SLC9A4: variants seen among roughly 807,000 people sequenced by gnomAD.
SLC9A4 encodes solute carrier family 9 member A4, also known as sodium/hydrogen exchanger 4.
A neutral mutation model predicts 67.4 loss-of-function variants in SLC9A4; 63 were observed. The observed-to-expected ratio is 0.93, with a 90% CI of 0.76 to 1.15. The LOEUF (loss-of-function observed/expected upper bound fraction) is 1.15, where lower values mean the gene tolerates loss of function less well. Ranked by LOEUF, SLC9A4 falls within the 50% of genes most tolerant of loss-of-function variation. The pLI is 0.00. For synonymous variants in SLC9A4, 393 were observed against 367.2 expected, an observed-to-expected ratio of 1.07 and a Z score of -0.80; for missense variants, 1,089 against 987.7, an observed-to-expected ratio of 1.10 and a Z score of -1.38.
intron 11 of SLC9A4, among the ~76,000 whole-genome samples, chr2:102,531,826 G>T (rs753714329): frequency 2.6e-5 from 4 of 152,274 alleles, no homozygotes; most frequent in Non-Finnish European, 5.9e-5. Context: ...CTCTGCTGTG[G>T]CTCCCTTCTA....
intron 7 of SLC9A4, 70 bp downstream of exon 7, chr2:102,512,343 A>C: frequency 1.3e-6 from 2 of 1,552,114 alleles, no homozygotes; most frequent in Non-Finnish European, 8.9e-7. Flanking sequence ...GCATAAAATC[A>C]GAGAGAATTC....
intron 4 of SLC9A4, 66 bp from the exon 5 acceptor site, chr2:102,508,013 T>G: frequency 6.6e-7 from 1 of 1,514,972 alleles, no homozygotes; most frequent in Admixed American, 1.7e-5. Context: ...ACAACCTCAG[T>G]TCACTAGCTC....
intron 2 of SLC9A4, among the ~76,000 whole-genome samples, chr2:102,488,501 AT>A (rs1170096310): frequency 6.6e-6 from 1 of 151,758 alleles, no homozygotes; most frequent in Non-Finnish European, 1.5e-5. Flanking sequence ...TTGGTGAGTA[AT>A]AGGCTAATAC....
At chr2:102,519,400 T>C (rs747682196) in intron 8 of SLC9A4, among the ~76,000 whole-genome samples, 1 of 151,938 alleles carries the variant, frequency 6.6e-6, no homozygotes, top group African/African-American at 2.4e-5. Context: ...GAATTGCTTG[T>C]CACCTGTCCT....
Position 102,532,926 on chromosome 2 carries a change from G to T in SLC9A4, c.*238G>T, listed in dbSNP as rs963727037. 9.3e-6 allele frequency: 4 copies of T among 431,634 alleles called. No homozygotes were observed. The highest frequency in any genetic ancestry group is 1.7e-5 in the Non-Finnish European group (4 of 239,864). The allele number at this position is 431,634 out of a possible 1,614,324, so 26.7% of individuals were successfully genotyped here. On this transcript the variant is annotated 3_prime_UTR_variant, in exon 12 of 12. Transcript: ENST00000295269. ...GAATTCCCTGTGAGTGAGAGAAGTTGATCACCCCAGGAATTAGTCACTAAG... is the reference window on the plus strand; with the variant it reads ...GAATTCCCTGTGAGTGAGAGAAGTTTATCACCCCAGGAATTAGTCACTAAG...
At chr2:102,507,763 T>C (rs1482318164) in intron 4 of SLC9A4, among the ~76,000 whole-genome samples, 1 of 152,272 alleles carries the variant, frequency 6.6e-6, no homozygotes, top group South Asian at 2.1e-4. Flanking sequence ...ACAAAAATTA[T>C]GAATATAGAT....
At position 102,473,426 on chromosome 2, in the gene SLC9A4, C is replaced by T. The variant is rs73944350; in HGVS notation, c.-334C>T. On this transcript the variant is annotated 5_prime_UTR_variant, in exon 1 of 12. Transcript: ENST00000295269. The stretch of plus-strand genomic sequence containing the variant: ...AGTATGCAGTGAAATGAGGAAATGC[C>T]TTTAAGTGAAGAGATTTTTATTTCT... 2,066 of 290,074 alleles carry T rather than the reference C, an allele frequency of 7.1e-3. 41 individuals carry two copies. The highest frequency in any genetic ancestry group is 0.041 in the African/African-American group (1,897 of 45,990). The allele number at this position is 290,074 out of a possible 1,614,324, so 18.0% of individuals were successfully genotyped here.
intron 5 of SLC9A4, 62 bp downstream of exon 5, chr2:102,508,343 T>A: frequency 2.1e-6 from 3 of 1,396,034 alleles, no homozygotes; most frequent in Non-Finnish European, 1.9e-6. Context: ...AGTAAATTAG[T>A]AAAATACAAA....
chr2:102,487,488 G>T (rs962523184), intron 2 of SLC9A4, among the ~76,000 whole-genome samples: 7 of 152,168 alleles, frequency 4.6e-5, no homozygotes, highest in Admixed American at 3.3e-4. Context: ...GCAGCCTGAG[G>T]GGTGTGGGCT....
Position 102,532,389 on chromosome 2 carries a change from G to A in SLC9A4, c.2098G>A (p.Gly700Arg), listed in dbSNP as rs1251272978. The change falls in exon 12 of 12, where the codon GGG becomes AGG. Residue 700 changes from glycine to arginine, a missense_variant. Coordinates refer to ENST00000295269, the MANE Select transcript of SLC9A4 (RefSeq NM_001011552.4). ...CACGTTCAGCGCATGCTCTCGGATA[G>A]GGTCACTTCAGAAGCAAGAGGCACA... ...SITFSACSRIGSLQKQEAQEI... is the reference protein window; with the variant it reads ...SITFSACSRIRSLQKQEAQEI... 4.3e-6 allele frequency: 7 copies of A among 1,614,082 alleles called. No homozygotes were observed. The highest frequency in any genetic ancestry group is 5.1e-6 in the Non-Finnish European group (6 of 1,180,036).
At chr2:102,527,276 A>T (rs1674685410) in intron 11 of SLC9A4, among the ~76,000 whole-genome samples, 1 of 151,796 alleles carries the variant, frequency 6.6e-6, no homozygotes, top group African/African-American at 2.4e-5. Context: ...CCACAAAAAA[A>T]TCACAAAAAC....
intron 6 of SLC9A4, 117 bp downstream of exon 6, chr2:102,509,050 A>T (rs989474439): frequency 3.5e-6 from 3 of 865,688 alleles, no homozygotes; most frequent in Non-Finnish European, 5.4e-6. Context: ...GCCAAGAGTG[A>T]CTGTATAAGT....
At chr2:102,524,218 A>G (rs966266591) in intron 9 of SLC9A4, among the ~76,000 whole-genome samples, 12 of 152,206 alleles carry the variant, frequency 7.9e-5, no homozygotes, top group Non-Finnish European at 1.6e-4. Flanking sequence ...TCCCAATCCT[A>G]TCATCCTCCA....
chr2:102,496,758 C>A (rs1487069185), intron 2 of SLC9A4, among the ~76,000 whole-genome samples: 1 of 152,124 alleles, frequency 6.6e-6, no homozygotes, highest in Non-Finnish European at 1.5e-5. Context: ...ATCAAGGGCA[C>A]AATTTATAGT....
chr2:102,483,839 T>TACACACAC (rs1391182060), intron 2 of SLC9A4, among the ~76,000 whole-genome samples: 3 of 127,946 alleles, frequency 2.3e-5, no homozygotes, highest in African/African-American at 9.3e-5. Context: ...TATATATATA[T>TACACACAC]ATACACACAC....
chr2:102,510,769 T>G (rs1685150747), intron 6 of SLC9A4, among the ~76,000 whole-genome samples: 1 of 152,220 alleles, frequency 6.6e-6, no homozygotes, highest in African/African-American at 2.4e-5. Flanking sequence ...GTATTACTTC[T>G]TTTGCAAACA....
At chr2:102,518,507 A>G (rs996916194) in intron 8 of SLC9A4, among the ~76,000 whole-genome samples, 1 of 152,198 alleles carries the variant, frequency 6.6e-6, no homozygotes, top group Non-Finnish European at 1.5e-5. Flanking sequence ...TGGTAACTGT[A>G]TATCAATAGA....
chr2:102,514,044 A>G (rs1685222437), intron 7 of SLC9A4, 46 bp from the exon 8 acceptor site: 1 of 1,590,058 alleles, frequency 6.3e-7, no homozygotes, highest in Non-Finnish European at 8.5e-7. Flanking sequence ...TTAATGTAAC[A>G]CATACAGACG....
chr2:102,514,986 C>T (rs1368795529), intron 8 of SLC9A4, among the ~76,000 whole-genome samples: 2 of 152,136 alleles, frequency 1.3e-5, no homozygotes, highest in Non-Finnish European at 2.9e-5. Context: ...TGGCTAAATA[C>T]TTCTTAAAGC....
Sources: gnomAD v4.1 joint callset for allele counts (sites outside exome capture counted in the v4.1 genomes callset) on GRCh38, gnomAD v4.1.1 for gene constraint, MANE v1.5 for transcripts, NCBI Gene and HGNC (gene_info 2026-07-23, HGNC 2026-07-21) for gene names.